The following DIS3L2 variants were observed in gnomAD, a reference collection of about 807,000 sequenced individuals.
DIS3L2 encodes the protein DIS3-like exonuclease 2.
A neutral mutation model predicts 97.5 loss-of-function variants in DIS3L2; 34 were observed. That is an observed-to-expected ratio of 0.35 (90% CI 0.27 to 0.46). The LOEUF is 0.46. Among genes scored for constraint, DIS3L2 ranks in the 20% least tolerant of loss-of-function variants. The pLI is 1.00. For missense variants in DIS3L2, 1,038 were observed against 1,146.0 expected, an observed-to-expected ratio of 0.91 and a Z score of 1.36; for synonymous variants, 435 against 445.2, an observed-to-expected ratio of 0.98 and a Z score of 0.29.
At chr2:232,335,420 G>C (rs1385575950) in intron 19 of DIS3L2, 1 of 278,948 alleles carries the variant, frequency 3.6e-6, no homozygotes, top group Admixed American at 4.7e-5. Flanking sequence ...CCCTGCTGTG[G>C]GCCCAGCCCT....
intron 1 of DIS3L2, among the ~76,000 whole-genome samples, chr2:232,004,658 G>T (rs1179576774): frequency 1.3e-5 from 2 of 151,064 alleles, no homozygotes; most frequent in African/African-American, 4.9e-5. Context: ...TTGGCTCAGT[G>T]CAACCTCCAC....
chr2:232,000,145 T>C (rs1332934814), intron 1 of DIS3L2, among the ~76,000 whole-genome samples: 32 of 152,208 alleles, frequency 2.1e-4, no homozygotes, highest in Admixed American at 2.1e-3. Flanking sequence ...TTACTTATAA[T>C]ACCTAATACA....
intron 19 of DIS3L2, 121 bp from the exon 20 acceptor site, chr2:232,335,652 A>G: frequency 8.8e-7 from 1 of 1,137,870 alleles, no homozygotes; most frequent in South Asian, 1.5e-5. Context: ...CCCTCCAGCC[A>G]GGCAAGGGTG....
At chr2:232,158,337 A>C (rs1019053220) in intron 8 of DIS3L2, among the ~76,000 whole-genome samples, 1 of 135,812 alleles carries the variant, frequency 7.4e-6, no homozygotes, top group Non-Finnish European at 1.6e-5. Flanking sequence ...GTGTGTGTGC[A>C]TGTGTGTGTT....
At chr2:232,114,196 C>G (rs900366707) in intron 6 of DIS3L2, among the ~76,000 whole-genome samples, 1 of 152,038 alleles carries the variant, frequency 6.6e-6, no homozygotes, top group Non-Finnish European at 1.5e-5. Flanking sequence ...AATAATAAGA[C>G]TCCCGTCCCT....
At chr2:232,070,626 C>T (rs1398208007) in intron 5 of DIS3L2, among the ~76,000 whole-genome samples, 1 of 151,200 alleles carries the variant, frequency 6.6e-6, no homozygotes, top group Non-Finnish European at 1.5e-5. Context: ...ACTCTGTCGC[C>T]CAGGCTGGAG....
intron 5 of DIS3L2, among the ~76,000 whole-genome samples, chr2:232,062,010 A>G (rs182080762): frequency 6.6e-6 from 1 of 150,450 alleles, no homozygotes; most frequent in Non-Finnish European, 1.5e-5. Flanking sequence ...CTTTAGACAG[A>G]TATATTTTTT....
At chr2:231,989,581 A>T (rs927626540) in intron 1 of DIS3L2, among the ~76,000 whole-genome samples, 2 of 152,154 alleles carry the variant, frequency 1.3e-5, no homozygotes, top group African/African-American at 4.8e-5. Flanking sequence ...TCACACCTGT[A>T]ATCTCTGCAC....
Position 232,061,670 on chromosome 2 carries a change from A to G in DIS3L2, c.367-25817A>G, listed in dbSNP as rs557533499. On this transcript the variant is annotated intron_variant, in intron 5 of 20. Transcript: ENST00000325385. ...CTCAGAGTTGGCAATACCTTCCTCT[A>G]TTGTATTACTTCTGACCCATGGAAG... is the stretch of plus-strand genomic sequence containing the variant. Among the ~76,000 whole-genome samples, 434 of 152,302 alleles carry G rather than the reference A, an allele frequency of 2.8e-3. 2 individuals are homozygous for G. Among genetic ancestry groups the G allele is most frequent in the Non-Finnish European group, 4.7e-3 (320 of 68,018 alleles).
At chr2:232,224,834 T>C (rs1184744371) in intron 10 of DIS3L2, among the ~76,000 whole-genome samples, 1 of 147,542 alleles carries the variant, frequency 6.8e-6, no homozygotes, top group Non-Finnish European at 1.5e-5. Context: ...TGAGACTCTG[T>C]CTTTAAAAAA....
chr2:232,011,276 C>T (rs892042065), intron 1 of DIS3L2, among the ~76,000 whole-genome samples: 1 of 152,084 alleles, frequency 6.6e-6, no homozygotes, highest in Admixed American at 6.5e-5. Context: ...GGTAGGAGTG[C>T]CCAGGGACTT....
At chr2:232,117,444 G>A (rs796100966) in intron 6 of DIS3L2, among the ~76,000 whole-genome samples, 8 of 152,314 alleles carry the variant, frequency 5.3e-5, no homozygotes, top group African/African-American at 1.9e-4. Context: ...GGTAATGGAA[G>A]GGAAAGCACC....
chr2:232,264,085 C>T (rs531823303), intron 13 of DIS3L2, among the ~76,000 whole-genome samples: 1 of 152,206 alleles, frequency 6.6e-6, no homozygotes, highest in African/African-American at 2.4e-5. Context: ...TTCAGATCAT[C>T]AGGCATTAGT....
chr2:232,333,473 TCGTGCCCCCTA>T (rs1444496397), intron 16 of DIS3L2, among the ~76,000 whole-genome samples: 1 of 152,134 alleles, frequency 6.6e-6, no homozygotes, highest in African/African-American at 2.4e-5. Flanking sequence ...GAGGCTCAGC[TCGTGCCCCCTA>T]CCCTGACAGC....
chr2:231,996,304 TTAGA>T (rs1456821992), intron 1 of DIS3L2, among the ~76,000 whole-genome samples: 2 of 152,198 alleles, frequency 1.3e-5, no homozygotes, highest in Non-Finnish European at 2.9e-5. Flanking sequence ...CAACCTTGCC[TTAGA>T]TAGAGTAGCT....
At chr2:232,088,500 T>G (rs899232447) in intron 6 of DIS3L2, among the ~76,000 whole-genome samples, 1 of 150,484 alleles carries the variant, frequency 6.6e-6, no homozygotes, top group Non-Finnish European at 1.5e-5. Flanking sequence ...TGGTGGAGCT[T>G]GCGGTGAGCC....
At position 231,974,229 on chromosome 2, in the gene DIS3L2, T is replaced by C. The variant is rs1029657308; in HGVS notation, c.-94+12464T>C. Among the ~76,000 whole-genome samples the C allele has an allele frequency of 9.9e-5, 15 of 151,840 alleles. 1 individual carries two copies. Among genetic ancestry groups the C allele is most frequent in the African/African-American group, 3.6e-4 (15 of 41,314 alleles). ...CAAGTCTAAGTAAAAGAGGAGCACA[T>C]AGGGGCCAAAAAGGGACAGGGGAGG... On this transcript the variant is annotated intron_variant, in intron 1 of 20. Coordinates refer to ENST00000325385, the MANE Select transcript of DIS3L2 (RefSeq NM_152383.5).
At chr2:232,165,139 A>C (rs915424162) in intron 9 of DIS3L2, among the ~76,000 whole-genome samples, 1 of 152,256 alleles carries the variant, frequency 6.6e-6, no homozygotes, top group Non-Finnish European at 1.5e-5. Flanking sequence ...CATTAAAGAC[A>C]CTGCTAATGT....
At chr2:232,330,092 A>G in intron 15 of DIS3L2, 96 bp downstream of exon 15, 1 of 1,422,264 alleles carries the variant, frequency 7.0e-7, no homozygotes, top group Non-Finnish European at 9.4e-7. Flanking sequence ...GCTTCCCCCC[A>G]GAGTCCCTCC....
Sources: allele counts gnomAD v4.1 joint callset (sites outside exome capture counted in the v4.1 genomes callset), GRCh38; gene constraint gnomAD v4.1.1; transcripts MANE v1.5; gene names NCBI Gene and HGNC (gene_info 2026-07-23, HGNC 2026-07-21).